Variants in ANKRD18A observed in about 807,000 individuals in gnomAD.
The protein encoded by ANKRD18A is ankyrin repeat domain 18A.
Under a neutral mutation model 110.6 loss-of-function variants are expected in ANKRD18A, and 72 were observed. That is an observed-to-expected ratio of 0.65 (90% CI 0.54 to 0.79). ANKRD18A has a LOEUF of 0.79. ANKRD18A is among the 30% of genes least tolerant of loss of function. The pLI, the probability that ANKRD18A is intolerant of heterozygous loss-of-function variation, is 0.00. For missense variants in ANKRD18A, 934 were observed against 1,163.3 expected (o/e 0.80, Z 2.87); for synonymous variants, 305 against 410.3 (o/e 0.74, Z 3.10).
In ANKRD18A at chr9:38,595,952, G is replaced by T. The variant is rs1460660971; in HGVS notation, c.1388C>A (p.Ser463Tyr). ...CAACTCATTCTTATCTGTTAGTTGA[G>T]AAATATTAGAACCCATTTTTTCATG... The part of the protein sequence containing the change: ...SRHEKMGSNI[S>Y]QLTDKNELLT... The change falls in exon 9 of 16, where the codon TCT (serine) becomes TAT (tyrosine). Residue 463 changes from serine (S) to tyrosine (Y), a missense_variant. Coordinates refer to ENST00000399703, the MANE Select transcript of ANKRD18A (RefSeq NM_147195.4). 1 of 1,550,438 alleles carries T rather than the reference G, an allele frequency of 6.4e-7. No individual in the cohort carries two copies. The highest frequency in any genetic ancestry group is 8.7e-7 in the Non-Finnish European group (1 of 1,146,494).
chr9:38,575,066 C>T (rs1438709582), intron 15 of ANKRD18A, among the ~76,000 whole-genome samples: 2 of 150,304 alleles, frequency 1.3e-5, no homozygotes, highest in Non-Finnish European at 2.9e-5. Flanking sequence ...TGCACTCTAG[C>T]CTAGGCAACA....
rs774819654 is a variant in ANKRD18A at position 38,615,731 on chromosome 9, G to A, written c.358C>T (p.Leu120Phe). 1 of 1,612,910 alleles carries A rather than the reference G, an allele frequency of 6.2e-7. No homozygotes were observed. The highest frequency in any genetic ancestry group is 1.7e-5 in the Admixed American group (1 of 59,980). ...HSQEEACAIV[L>F]LECGANPNIE... ...TTTGGATTGGCGCCACATTCCAGGA[G>A]AACGATGGCACAAGCCTCTTCCTGG... The change falls in exon 3 of 16, where the codon CTC becomes TTC. Residue 120 changes from leucine to phenylalanine, a missense_variant. By Grantham distance (22) the Leu-to-Phe change is conservative. Transcript: ENST00000399703.
At chr9:38,606,014 G>T (rs1446772943) in intron 6 of ANKRD18A, among the ~76,000 whole-genome samples, 6 of 152,128 alleles carry the variant, frequency 3.9e-5, no homozygotes, top group African/African-American at 1.2e-4. Flanking sequence ...ATCTCATGAG[G>T]TTCCAACTTA....
rs536021033 is a variant in ANKRD18A, at chr9:38,574,568, C to G, written c.2964+908G>C. ...CTGTCCTCAGGTGATCCGCCTGCCT[C>G]GGCCTCCCAAAATGCTGGGATTACA... On this transcript the variant is annotated intron_variant, in intron 15 of 15. Coordinates refer to ENST00000399703, the MANE Select transcript of ANKRD18A (RefSeq NM_147195.4). Among the ~76,000 whole-genome samples the G allele has an allele frequency of 5.3e-5, 8 of 152,094 alleles. No individual in the cohort carries two copies. In the South Asian group the frequency reaches 1.7e-3, roughly 32 times the overall value.
chr9:38,601,161 C>G lies in ANKRD18A; in HGVS notation c.906G>C (p.Arg302Ser). The change falls in exon 8 of 16, where the codon AGG becomes AGC. Residue 302 changes from arginine to serine, a missense_variant. By Grantham distance (110) the Arg-to-Ser change is moderately radical. Coordinates refer to ENST00000399703, the MANE Select transcript of ANKRD18A (RefSeq NM_147195.4). Reference protein sequence around the residue: ...LKVASEEKQERLQRSENKQPQ... With the variant: ...LKVASEEKQESLQRSENKQPQ... ...GCTGTTTATTTTCACTTCTTTGGAGCCTTTCTTGCTTTTCCTCTGAAGCCA... is the reference window on the plus strand; with the variant it reads ...GCTGTTTATTTTCACTTCTTTGGAGGCTTTCTTGCTTTTCCTCTGAAGCCA... 1 of 1,559,568 alleles carries G rather than the reference C, an allele frequency of 6.4e-7. No homozygotes were observed. The highest frequency in any genetic ancestry group is 1.2e-5 in the South Asian group (1 of 84,636).
At chr9:38,619,829 C>T (rs1454247947) in intron 1 of ANKRD18A, among the ~76,000 whole-genome samples, 3 of 152,198 alleles carry the variant, frequency 2.0e-5, no homozygotes, top group Non-Finnish European at 4.4e-5. Context: ...CATTAGGCAC[C>T]TCCCTATCAT....
chr9:38,603,905 T>C (rs1480483128), intron 6 of ANKRD18A, among the ~76,000 whole-genome samples: 1 of 152,216 alleles, frequency 6.6e-6, no homozygotes, highest in African/African-American at 2.4e-5. Context: ...CCTCCTCATC[T>C]TCAAAACATA....
chr9:38,572,378 G>A lies in ANKRD18A; in HGVS notation c.2965-319C>T, dbSNP rs202114603. On this transcript the variant is annotated intron_variant, in intron 15 of 15. Transcript: ENST00000399703. ...GTCATATGCTATAACCTAAAAGACC[G>A]GCAGGTAATGTCCATATAGAGTCAT... is the stretch of plus-strand genomic sequence containing the variant. The A allele has an allele frequency of 2.9e-5, 6 of 203,616 alleles. No homozygotes were observed. The East Asian group carries it at 5.7e-4, about 19-fold the overall frequency. The allele number at this position is 203,616 out of a possible 1,614,324, so 12.6% of individuals were successfully genotyped here. A position where few individuals can be genotyped will look rare whatever the true frequency, so the allele number is the denominator to read the frequency against.
At chr9:38,618,746 T>C (rs1825956692) in intron 1 of ANKRD18A, among the ~76,000 whole-genome samples, 1 of 152,110 alleles carries the variant, frequency 6.6e-6, no homozygotes, top group African/African-American at 2.4e-5. Flanking sequence ...CCTATGTACA[T>C]AAGTAACTTG....
intron 11 of ANKRD18A, among the ~76,000 whole-genome samples, chr9:38,588,036 C>T (rs1295166836): frequency 1.3e-5 from 2 of 152,042 alleles, no homozygotes; most frequent in Admixed American, 1.3e-4. Context: ...TGCAGTGAGC[C>T]GAGATCGCGT....
intron 12 of ANKRD18A, among the ~76,000 whole-genome samples, chr9:38,583,988 A>G (rs1475128762): frequency 6.6e-6 from 1 of 152,184 alleles, no homozygotes; most frequent in African/African-American, 2.4e-5. Flanking sequence ...GGAGGCCCAC[A>G]TGCACTGGGG....
chr9:38,611,243 T>C lies in ANKRD18A; in HGVS notation c.574A>G (p.Asn192Asp). The C allele has an allele frequency of 6.5e-7, 1 of 1,526,806 alleles. No homozygotes were observed. Among genetic ancestry groups the C allele is most frequent in the Non-Finnish European group, 8.8e-7 (1 of 1,140,360 alleles). The allele number at this position is 1,526,806 out of a possible 1,614,324, so 94.6% of individuals were successfully genotyped here. The change falls in exon 4 of 16, where the codon AAT becomes GAT. Residue 192 changes from asparagine to aspartate, a missense_variant. Physicochemically the swap from Asn to Asp is conservative, Grantham distance 23. This residue lies in a region of ANKRD18A where 630 missense variants were observed against 797.5 expected (regional missense o/e 0.79). Coordinates refer to ENST00000399703, the MANE Select transcript of ANKRD18A (RefSeq NM_147195.4). ...MVEFLLKNQANIHAVDNFKRT... is the reference protein window; with the variant it reads ...MVEFLLKNQADIHAVDNFKRT... ...TTGAAATTGTCAACGGCATGTATAT[T>C]TGCCTGGTTCTTCAATAAAAATTCC...
At chr9:38,602,018 G>T (rs996883377) in intron 7 of ANKRD18A, among the ~76,000 whole-genome samples, 2 of 148,670 alleles carry the variant, frequency 1.3e-5, no homozygotes, top group African/African-American at 5.0e-5. Context: ...AGGAAAAAAG[G>T]CTCAAAATTC....
At chr9:38,584,962 A>G (rs531955632) in intron 12 of ANKRD18A, among the ~76,000 whole-genome samples, 3 of 152,300 alleles carry the variant, frequency 2.0e-5, no homozygotes, top group African/African-American at 7.2e-5. Context: ...GCTGAAAAAA[A>G]TCAAAGTTAT....
At chr9:38,576,983 C>T (rs569260957) in intron 14 of ANKRD18A, 70 bp downstream of exon 14, 5 of 1,392,814 alleles carry the variant, frequency 3.6e-6, no homozygotes, top group East Asian at 2.5e-5. Flanking sequence ...AGCCATCTCA[C>T]TAAAAATTAT....
Position 38,595,617 on chromosome 9 carries a change from T to C in ANKRD18A, c.1723A>G (p.Asn575Asp), listed in dbSNP as rs1824840763. The part of the protein sequence containing the change: ...KEGDNKEIVI[N>D]IHRDCLENGK... Reference sequence around the variant, plus strand: ...TTCTCAAGACAGTCTCTGTGGATATTAATGACTATCTCTTTATTATCGCCT... The same window carrying C: ...TTCTCAAGACAGTCTCTGTGGATATCAATGACTATCTCTTTATTATCGCCT... The change falls in exon 9 of 16, where the codon AAT becomes GAT. Residue 575 changes from asparagine (N) to aspartate (D), a missense_variant. Coordinates refer to ENST00000399703, the MANE Select transcript of ANKRD18A (RefSeq NM_147195.4). 1.3e-6 allele frequency: 2 copies of C among 1,550,992 alleles called. No individual in the cohort carries two copies. Among genetic ancestry groups the C allele is most frequent in the South Asian group, 1.2e-5 (1 of 83,994 alleles).
chr9:38,571,147 C>T, downstream of ANKRD18A: 4 of 1,534,168 alleles, frequency 2.6e-6, no homozygotes, highest in Non-Finnish European at 3.5e-6. Context: ...AGTGGTTCTT[C>T]TGTTGGGGAC....
intron 12 of ANKRD18A, 93 bp downstream of exon 12, chr9:38,586,090 C>A: frequency 7.8e-7 from 1 of 1,282,688 alleles, no homozygotes; most frequent in Non-Finnish European, 1.1e-6. Flanking sequence ...GTGCAGCAAA[C>A]CATCATGGCA....
intron 5 of ANKRD18A, among the ~76,000 whole-genome samples, chr9:38,608,558 T>C (rs1050221931): frequency 1.4e-5 from 2 of 147,190 alleles, no homozygotes; most frequent in African/African-American, 4.9e-5. Context: ...GATTATATAA[T>C]CTATAACTAT....
Sources: allele counts gnomAD v4.1 joint callset (sites outside exome capture counted in the v4.1 genomes callset), GRCh38; gene constraint gnomAD v4.1.1; regional missense constraint gnomAD v4.1.1; transcripts MANE v1.5; gene names NCBI Gene and HGNC (gene_info 2026-07-23, HGNC 2026-07-21).